PAX1: variants seen among roughly 807,000 people sequenced by gnomAD.
PAX1 encodes the protein paired box protein Pax-1.
Under a neutral mutation model 35.6 loss-of-function variants are expected in PAX1, and 18 were observed. The ratio of observed to expected loss-of-function variants is 0.50; its 90% CI spans 0.35 to 0.75. The LOEUF (loss-of-function observed/expected upper bound fraction) is 0.75, where lower values mean the gene tolerates loss of function less well. PAX1 is among the 30% of genes least tolerant of loss of function. PAX1 has a pLI of 0.01. For missense variants in PAX1, 760 were observed against 661.5 expected (o/e 1.15, Z -1.63); for synonymous variants, 397 against 305.2 (o/e 1.30, Z -3.14).
chr20:21,714,709 C>CA lies in PAX1; in HGVS notation c.*148dup. 1.2e-6 allele frequency: 2 copies of CA among 1,605,954 alleles called. No individual in the cohort carries two copies. Among genetic ancestry groups the CA allele is most frequent in the Non-Finnish European group, 8.5e-7 (1 of 1,179,702 alleles). ...AGTGCCGGCCCGCGGGGTGCACGCC[C>CA]AGCCAGCCCCCAGGCCCAGCCCTGC... On this transcript the variant is annotated 3_prime_UTR_variant, in exon 5 of 5. Transcript: ENST00000613128.
chr20:21,713,376 TTTTTTTTGTGTGTGTGTGTGTG>T (rs1985257894), intron 4 of PAX1, among the ~76,000 whole-genome samples: 1 of 103,800 alleles, frequency 9.6e-6, no homozygotes, highest in African/African-American at 8.8e-5. Flanking sequence ...GTGTTTTCTT[TTTTTTTTGTGTGTGTGTGTGTG>T]TGTGTGTGTG....
At position 21,709,205 on chromosome 20, in the gene PAX1, C is replaced by T; in HGVS notation, c.1060-17C>T. 6.3e-7 allele frequency: 1 copy of T among 1,587,366 alleles called. No homozygotes were observed. The highest frequency in any genetic ancestry group is 1.3e-5 in the African/African-American group (1 of 74,688). On this transcript the variant is annotated splice_polypyrimidine_tract_variant and intron_variant, in intron 3 of 4. Coordinates refer to ENST00000613128, the MANE Select transcript of PAX1 (RefSeq NM_001257096.2). ...GCAGGATTTTCTGCTGCTGACGGTC[C>T]CTCTCTATCCCCACAGTCGGCCTCC...
Position 21,714,891 on chromosome 20 carries a change from C to T in PAX1, c.*329C>T, listed in dbSNP as rs542054871. The stretch of plus-strand genomic sequence containing the variant: ...ATTTCTTTTTTGTCACTCCCTTGTC[C>T]GTCTCCGTCTCGCCTCTCTCCCTGT... On this transcript the variant is annotated 3_prime_UTR_variant, in exon 5 of 5. Coordinates refer to ENST00000613128, the MANE Select transcript of PAX1 (RefSeq NM_001257096.2). 350 of 1,007,620 alleles carry T rather than the reference C, an allele frequency of 3.5e-4. No homozygotes were observed. Among genetic ancestry groups the T allele is most frequent in the Non-Finnish European group, 4.6e-4 (300 of 656,364 alleles). The allele number at this position is 1,007,620 out of a possible 1,614,324, so 62.4% of individuals were successfully genotyped here. A position where few individuals can be genotyped will look rare whatever the true frequency, so the allele number is the denominator to read the frequency against.
intron 4 of PAX1, among the ~76,000 whole-genome samples, chr20:21,711,014 C>T (rs1219852148): frequency 1.3e-5 from 2 of 152,152 alleles, no homozygotes; most frequent in Non-Finnish European, 2.9e-5. Flanking sequence ...GTTAAGGGGT[C>T]GCAGATGAGC....
In PAX1 at chr20:21,707,132, G is replaced by A. The variant is rs930337066; in HGVS notation, c.916+65G>A. ...AGAACCTGGGGCGGGCAGGCTTGCAGGAGAGGACTCACACTCGCTCTCCTC... is the reference window on the plus strand; with the variant it reads ...AGAACCTGGGGCGGGCAGGCTTGCAAGAGAGGACTCACACTCGCTCTCCTC... On this transcript the variant is annotated intron_variant, in intron 2 of 4. Coordinates refer to ENST00000613128, the MANE Select transcript of PAX1 (RefSeq NM_001257096.2). 1.9e-6 allele frequency: 3 copies of A among 1,593,656 alleles called. No homozygotes were observed. The African/African-American group carries it at 4.0e-5, about 21-fold the overall frequency.
In PAX1 at chr20:21,708,675, T is replaced by C. The variant is rs1985097940; in HGVS notation, c.1034T>C (p.Leu345Ser). 6.2e-7 allele frequency: 1 copy of C among 1,613,424 alleles called. No individual in the cohort carries two copies. Among genetic ancestry groups the C allele is most frequent in the Non-Finnish European group, 8.5e-7 (1 of 1,180,018 alleles). Residue 345 changes from leucine (L) to serine (S), a missense_variant, in exon 3 of 5, where the codon TTA (leucine) becomes TCA (serine). This residue lies in a region of PAX1 where 490 missense variants were observed against 428.4 expected (regional missense o/e 1.14). Transcript: ENST00000613128. Reference protein sequence around the residue: ...PAVNGLEKPALEADIKYTQSA... With the variant: ...PAVNGLEKPASEADIKYTQSA... The stretch of plus-strand genomic sequence containing the variant: ...GTGAATGGGCTAGAGAAACCTGCCT[T>C]AGAGGCAGACATTAAATACACTCAG...
In PAX1 at chr20:21,706,132, TC is replaced by T; in HGVS notation, c.286+138del. 1 of 831,182 alleles carries T rather than the reference TC, an allele frequency of 1.2e-6. No individual in the cohort carries two copies. Among genetic ancestry groups the T allele is most frequent in the African/African-American group, 1.7e-5 (1 of 59,670 alleles). 51.5% of individuals were successfully genotyped at this position (831,182 alleles called of 1,614,324 possible). ...CTGGAGAAGCTGCATTCTCCTCTGA[TC>T]CCCAGCCTTCAGGGGGCAGTTGAGC... On this transcript the variant is annotated intron_variant, in intron 1 of 4. Coordinates refer to ENST00000613128, the MANE Select transcript of PAX1 (RefSeq NM_001257096.2). The surrounding 1 kb of genome is among the most constrained non-coding windows in gnomAD (Gnocchi z 5.3).
chr20:21,716,778 C>G lies in PAX1; in HGVS notation c.*2216C>G, dbSNP rs115136868. The G allele has an allele frequency of 6.6e-6, 1 of 152,120 alleles. No homozygotes were observed. The highest frequency in any genetic ancestry group is 1.5e-5 in the Non-Finnish European group (1 of 68,046). The allele number at this position is 152,120 out of a possible 1,614,324, so 9.4% of individuals were successfully genotyped here. A position where few individuals can be genotyped will look rare whatever the true frequency, so the allele number is the denominator to read the frequency against. On this transcript the variant is annotated 3_prime_UTR_variant, in exon 5 of 5. Coordinates refer to ENST00000613128, the MANE Select transcript of PAX1 (RefSeq NM_001257096.2). ...ACAGAGAAGCATGTTCCCAAGTCCC[C>G]CATCCTCTCAGCCTGTCTCCTTGTG...
At chr20:21,708,320 T>C (rs2122137117) in intron 2 of PAX1, 1 of 628,880 alleles carries the variant, frequency 1.6e-6, no homozygotes, top group East Asian at 2.8e-5. Flanking sequence ...CAGCCTCCCG[T>C]TCGTGGGAAA....
Position 21,714,888 on chromosome 20 carries a change from GTCCGTC to G in PAX1, c.*335_*340del. The G allele has an allele frequency of 9.7e-7, 1 of 1,034,270 alleles. No individual in the cohort carries two copies. The highest frequency in any genetic ancestry group is 2.5e-5 in the East Asian group (1 of 40,626). 64.1% of individuals were successfully genotyped at this position (1,034,270 alleles called of 1,614,324 possible). ...CAAATTTCTTTTTTGTCACTCCCTT[GTCCGTC>G]TCCGTCTCGCCTCTCTCCCTGTTTC... On this transcript the variant is annotated 3_prime_UTR_variant, in exon 5 of 5. Transcript: ENST00000613128.
chr20:21,713,382 T>TGTG (rs1555805031), intron 4 of PAX1, among the ~76,000 whole-genome samples: 378 of 146,374 alleles, frequency 2.6e-3, no homozygotes, highest in Admixed American at 4.8e-3. Context: ...TCTTTTTTTT[T>TGTG]TGTGTGTGTG....
chr20:21,712,881 C>A (rs1985240458), intron 4 of PAX1, among the ~76,000 whole-genome samples: 1 of 151,954 alleles, frequency 6.6e-6, no homozygotes. Flanking sequence ...GAGTGCCCTG[C>A]AATTGCAGTT....
chr20:21,705,948 G>T lies in PAX1; in HGVS notation c.236G>T (p.Gly79Val). Residue 79 changes from glycine (G) to valine (V), a missense_variant, in exon 1 of 5, where the codon GGC (glycine) becomes GTC (valine). Gly to Val is a moderately radical substitution (Grantham distance 109). Around this residue, in one of 3 missense-constraint regions of PAX1, gnomAD observed 222 missense variants for 153.0 expected, o/e 1.45. Transcript: ENST00000613128. ...CCGGACTGCGCCGGGCCCAGCCCCGGCCACCCCGGCCACCCCGGCGCCAGG... is the reference window on the plus strand; with the variant it reads ...CCGGACTGCGCCGGGCCCAGCCCCGTCCACCCCGGCCACCCCGGCGCCAGG... ...ALPDCAGPSPGHPGHPGARQL... is the reference protein window; with the variant it reads ...ALPDCAGPSPVHPGHPGARQL... 6.7e-7 allele frequency: 1 copy of T among 1,483,034 alleles called. No homozygotes were observed. The highest frequency in any genetic ancestry group is 8.9e-7 in the Non-Finnish European group (1 of 1,124,976). The allele number at this position is 1,483,034 out of a possible 1,614,324, so 91.9% of individuals were successfully genotyped here. A position where few individuals can be genotyped will look rare whatever the true frequency, so the allele number is the denominator to read the frequency against.
rs140826940 is a variant in PAX1 at position 21,708,670 on chromosome 20, T to A, written c.1029T>A (p.Pro343=). The stretch of plus-strand genomic sequence containing the variant: ...CCGCAGTGAATGGGCTAGAGAAACC[T>A]GCCTTAGAGGCAGACATTAAATACA... The part of the protein sequence containing the change: ...ATPAVNGLEK[P]ALEADIKYTQ... Residue 343 remains proline (P), a synonymous_variant, in exon 3 of 5, where the codon CCT becomes CCA. Coordinates refer to ENST00000613128, the MANE Select transcript of PAX1 (RefSeq NM_001257096.2). 28 of 1,613,600 alleles carry A rather than the reference T, an allele frequency of 1.7e-5. No individual in the cohort carries two copies. Among genetic ancestry groups the A allele is most frequent in the Non-Finnish European group, 2.3e-5 (27 of 1,180,020 alleles).
intron 4 of PAX1, among the ~76,000 whole-genome samples, chr20:21,713,867 C>T (rs976254288): frequency 5.9e-5 from 9 of 152,254 alleles, no homozygotes; most frequent in African/African-American, 9.6e-5. Flanking sequence ...GTGGGCACAA[C>T]GTAGTCTGCC....
At position 21,709,209 on chromosome 20, in the gene PAX1, T is replaced by A. The variant is rs370745016; in HGVS notation, c.1060-13T>A. On this transcript the variant is annotated splice_polypyrimidine_tract_variant and intron_variant, in intron 3 of 4. Transcript: ENST00000613128. ...GATTTTCTGCTGCTGACGGTCCCTC[T>A]CTATCCCCACAGTCGGCCTCCACCC... 20 of 1,597,222 alleles carry A rather than the reference T, an allele frequency of 1.3e-5. No individual in the cohort carries two copies. The highest frequency in any genetic ancestry group is 1.4e-5 in the Non-Finnish European group (17 of 1,172,550).
In PAX1 at chr20:21,706,814, G is replaced by A. The variant is rs1245992093; in HGVS notation, c.663G>A (p.Leu221=). ...CGGTGAGCTCCATCAGCCGCATCCT[G>A]CGCAACAAGATCGGCAGCCTGGCGC... is the stretch of plus-strand genomic sequence containing the variant. ...VPSVSSISRI[L]RNKIGSLAQP... The change falls in exon 2 of 5, where the codon CTG becomes CTA. Residue 221 remains leucine (L), a synonymous_variant. Coordinates refer to ENST00000613128, the MANE Select transcript of PAX1 (RefSeq NM_001257096.2). The surrounding 1 kb of genome is among the most constrained non-coding windows in gnomAD (Gnocchi z 5.3). 2.5e-6 allele frequency: 4 copies of A among 1,613,612 alleles called. No homozygotes were observed. Among genetic ancestry groups the A allele is most frequent in the Non-Finnish European group, 3.4e-6 (4 of 1,180,036 alleles).
Position 21,706,531 on chromosome 20 carries a change from C to T in PAX1, c.380C>T (p.Ala127Val). 1 of 1,612,246 alleles carries T rather than the reference C, an allele frequency of 6.2e-7. No homozygotes were observed. The highest frequency in any genetic ancestry group is 8.5e-7 in the Non-Finnish European group (1 of 1,179,976). ...NAIRLRIVEL[A>V]QLGIRPCDIS... Reference sequence around the variant, plus strand: ...ATCCGCTTGCGCATTGTGGAGCTGGCGCAGCTGGGCATCCGACCCTGTGAC... The same window carrying T: ...ATCCGCTTGCGCATTGTGGAGCTGGTGCAGCTGGGCATCCGACCCTGTGAC... Residue 127 changes from alanine (A) to valine (V), a missense_variant, in exon 2 of 5, where the codon GCG becomes GTG. This residue lies in a region of PAX1 where 48 missense variants were observed against 80.0 expected (regional missense o/e 0.60). Coordinates refer to ENST00000613128, the MANE Select transcript of PAX1 (RefSeq NM_001257096.2). This position sits in a 1 kb window ranked among gnomAD's most constrained non-coding sequence, Gnocchi z 5.3.
Position 21,717,943 on chromosome 20 carries a change from T to C in PAX1, c.*3381T>C, listed in dbSNP as rs549784826. 3 of 152,350 alleles carry C rather than the reference T, an allele frequency of 2.0e-5. No individual in the cohort carries two copies. Among genetic ancestry groups the C allele is most frequent in the Admixed American group, 2.0e-4 (3 of 15,302 alleles). The allele number at this position is 152,350 out of a possible 1,614,324, so 9.4% of individuals were successfully genotyped here. On this transcript the variant is annotated 3_prime_UTR_variant, in exon 5 of 5. Coordinates refer to ENST00000613128, the MANE Select transcript of PAX1 (RefSeq NM_001257096.2). Reference sequence around the variant, plus strand: ...AAACATGCATGCGGGAAAATATGTTTCTGTCTATGTGTTATTTGAAAGTGC... The same window carrying C: ...AAACATGCATGCGGGAAAATATGTTCCTGTCTATGTGTTATTTGAAAGTGC...
Sources: allele counts gnomAD v4.1 joint callset (sites outside exome capture counted in the v4.1 genomes callset), GRCh38; gene constraint gnomAD v4.1.1; regional missense constraint gnomAD v4.1.1; non-coding constraint Gnocchi (gnomAD v3.1); transcripts MANE v1.5; gene names NCBI Gene and HGNC (gene_info 2026-07-23, HGNC 2026-07-21).